Variants in HCN1 observed in about 807,000 individuals in gnomAD.
The protein encoded by HCN1 is potassium/sodium hyperpolarization-activated cyclic nucleotide-gated channel 1.
In HCN1, 13 loss-of-function variants were observed where a neutral mutation model predicts 78.9. The ratio of observed to expected loss-of-function variants is 0.16; its 90% CI spans 0.11 to 0.26. The LOEUF is 0.26. HCN1 is among the 10% of genes least tolerant of loss of function. The probability of loss-of-function intolerance (pLI) is 1.00; values close to 1 mark genes in which losing one functional copy is unlikely to be tolerated. For synonymous variants in HCN1, 552 were observed against 455.5 expected, an observed-to-expected ratio of 1.21 and a Z score of -2.70; for missense variants, 810 against 1,154.3, an observed-to-expected ratio of 0.70 and a Z score of 4.32.
intron 6 of HCN1, among the ~76,000 whole-genome samples, chr5:45,275,310 A>C (rs1049494052): frequency 4.6e-5 from 7 of 152,248 alleles, no homozygotes; most frequent in Admixed American, 4.6e-4. Flanking sequence ...CATCAGATTA[A>C]AAATATTCTT....
At chr5:45,656,931 T>C (rs1262422210) in intron 1 of HCN1, among the ~76,000 whole-genome samples, 1 of 152,058 alleles carries the variant, frequency 6.6e-6, no homozygotes, top group East Asian at 1.9e-4. Flanking sequence ...TAGTATATGT[T>C]CTTTTCCCTA....
chr5:45,647,937 T>C (rs372422927), intron 1 of HCN1, among the ~76,000 whole-genome samples: 4 of 152,320 alleles, frequency 2.6e-5, no homozygotes, highest in African/African-American at 7.2e-5. Flanking sequence ...ACTGCAGCTG[T>C]CCTCATTCAG....
intron 4 of HCN1, among the ~76,000 whole-genome samples, chr5:45,357,291 C>T (rs915562807): frequency 6.6e-5 from 10 of 152,034 alleles, no homozygotes; most frequent in Non-Finnish European, 2.9e-5. Context: ...ATATAGAATT[C>T]TAGGTTGAAC....
At chr5:45,418,645 C>T (rs78095611) in intron 3 of HCN1, among the ~76,000 whole-genome samples, 2,117 of 151,866 alleles carry the variant, frequency 0.014, 49 homozygotes, top group African/African-American at 0.048. Flanking sequence ...GCTGATAAAT[C>T]AACGTAACTG....
intron 1 of HCN1, among the ~76,000 whole-genome samples, chr5:45,680,082 T>C (rs1739676353): frequency 6.6e-6 from 1 of 152,128 alleles, no homozygotes; most frequent in Admixed American, 6.6e-5. Context: ...CCAACATGAT[T>C]TGTTGATACA....
intron 3 of HCN1, among the ~76,000 whole-genome samples, chr5:45,432,295 T>A (rs1391862218): frequency 6.6e-6 from 1 of 152,202 alleles, no homozygotes; most frequent in African/African-American, 2.4e-5. Flanking sequence ...ATCCTGAAAC[T>A]TTGCTGAAGT....
intron 1 of HCN1, among the ~76,000 whole-genome samples, chr5:45,691,888 G>C (rs929472034): frequency 6.6e-6 from 1 of 152,140 alleles, no homozygotes; most frequent in Non-Finnish European, 1.5e-5. Flanking sequence ...GGTATCTTCA[G>C]GAAGTAACTC....
rs1747207065 is a variant in HCN1, at chr5:45,365,114, T to C, written c.1231-11868A>G. 4.6e-5 allele frequency among the ~76,000 whole-genome samples: 7 copies of C among 152,168 alleles called. 2 individuals carry two copies. The South Asian group carries it at 1.2e-3, about 27-fold the overall frequency. ...TTGTCAAGAACAAGCTTTGAAGTCC[T>C]TTTTAAAAATAAAAGTGCCATTTTT... On this transcript the variant is annotated intron_variant, in intron 4 of 7. Transcript: ENST00000303230.
At chr5:45,525,963 T>C (rs1261213498) in intron 2 of HCN1, among the ~76,000 whole-genome samples, 1 of 151,938 alleles carries the variant, frequency 6.6e-6, no homozygotes, top group Non-Finnish European at 1.5e-5. Context: ...GAGCTAACCC[T>C]TTCTAGCCCC....
intron 3 of HCN1, among the ~76,000 whole-genome samples, chr5:45,424,179 G>T (rs1264109656): frequency 1.3e-5 from 2 of 150,218 alleles, no homozygotes; most frequent in Non-Finnish European, 3.0e-5. Flanking sequence ...TGTAGTCCCA[G>T]CTACTCAGGA....
chr5:45,674,144 TATATATAG>T (rs1342349465), intron 1 of HCN1, among the ~76,000 whole-genome samples: 2 of 151,164 alleles, frequency 1.3e-5, no homozygotes, highest in Non-Finnish European at 1.5e-5. Context: ...TATATATGTA[TATATATAG>T]ATATATAGAT....
chr5:45,265,779 T>C (rs1744843926), intron 7 of HCN1, among the ~76,000 whole-genome samples: 1 of 152,188 alleles, frequency 6.6e-6, no homozygotes, highest in Non-Finnish European at 1.5e-5. Context: ...TCAACAAATA[T>C]TCATTGTATA....
intron 2 of HCN1, among the ~76,000 whole-genome samples, chr5:45,640,282 G>C (rs960230013): frequency 6.6e-6 from 1 of 152,098 alleles, no homozygotes; most frequent in African/African-American, 2.4e-5. Flanking sequence ...AACGGATTTA[G>C]AACATGGGAG....
chr5:45,262,604 A>T lies in HCN1; in HGVS notation c.1990T>A (p.Ser664Thr). The T allele has an allele frequency of 6.2e-7, 1 of 1,613,470 alleles. No homozygotes were observed. Among genetic ancestry groups the T allele is most frequent in the Non-Finnish European group, 8.5e-7 (1 of 1,179,894 alleles). Residue 664 changes from serine to threonine, a missense_variant, in exon 8 of 8, where the codon TCT becomes ACT. Ser to Thr is a moderately conservative substitution (Grantham distance 58, BLOSUM62 1). Coordinates refer to ENST00000303230, the MANE Select transcript of HCN1 (RefSeq NM_021072.4). The part of the protein sequence containing the change: ...TTPTSRMRTQ[S>T]PPVYTATSLS... ...CTGGTCGCTGTGTACACCGGTGGAGATTGTGTCCTCATGCGGGAGGTCGGG... is the reference window on the plus strand; with the variant it reads ...CTGGTCGCTGTGTACACCGGTGGAGTTTGTGTCCTCATGCGGGAGGTCGGG...
intron 2 of HCN1, among the ~76,000 whole-genome samples, chr5:45,584,082 C>A (rs924026497): frequency 3.9e-5 from 6 of 152,024 alleles, no homozygotes; most frequent in Non-Finnish European, 8.8e-5. Flanking sequence ...CCTGGATATC[C>A]TTGTTAACTT....
chr5:45,515,846 A>C (rs1742508144), intron 2 of HCN1, among the ~76,000 whole-genome samples: 3 of 151,978 alleles, frequency 2.0e-5, no homozygotes. Context: ...AAAATGTCAA[A>C]ATTATCCCAC....
In HCN1 at chr5:45,303,854, A is replaced by T; in HGVS notation, c.1378-15T>A. On this transcript the variant is annotated splice_polypyrimidine_tract_variant and intron_variant, in intron 5 of 7. Transcript: ENST00000303230. ...TTGACTATCTCCTAAAGATGTCAAG[A>T]GTAAACAAATATTAAGAGAGATATT... is the stretch of plus-strand genomic sequence containing the variant. 6.2e-7 allele frequency: 1 copy of T among 1,608,274 alleles called. No homozygotes were observed. The highest frequency in any genetic ancestry group is 2.2e-5 in the East Asian group (1 of 44,794).
chr5:45,558,801 C>G (rs191348128), intron 2 of HCN1: 1 of 151,966 alleles, frequency 6.6e-6, no homozygotes, highest in Admixed American at 6.6e-5. Context: ...CAGGATCTTG[C>G]TCTGTCACCC....
Position 45,259,045 on chromosome 5 carries a change from A to C in HCN1, c.*2876T>G, listed in dbSNP as rs1424278927. The C allele has an allele frequency of 6.6e-6, 1 of 151,948 alleles. No homozygotes were observed. The highest frequency in any genetic ancestry group is 1.5e-5 in the Non-Finnish European group (1 of 67,910). The allele number at this position is 151,948 out of a possible 1,614,324, so 9.4% of individuals were successfully genotyped here. A position where few individuals can be genotyped will look rare whatever the true frequency, so the allele number is the denominator to read the frequency against. ...TAAGCTCATATTTTACTATACGAAA[A>C]AGGTAAACAAAGAAGTGGTTGAAAA... On this transcript the variant is annotated 3_prime_UTR_variant, in exon 8 of 8. Transcript: ENST00000303230.
Sources: gnomAD v4.1 joint callset for allele counts (sites outside exome capture counted in the v4.1 genomes callset) on GRCh38, gnomAD v4.1.1 for gene constraint, MANE v1.5 for transcripts, NCBI Gene and HGNC (gene_info 2026-07-23, HGNC 2026-07-21) for gene names.